Variants in ERMAP observed in about 807,000 individuals in gnomAD.
The protein encoded by ERMAP is erythroblast membrane associated protein (Scianna blood group).
Under a neutral mutation model 49.5 loss-of-function variants are expected in ERMAP, and 34 were observed. The ratio of observed to expected loss-of-function variants is 0.69; its 90% CI spans 0.52 to 0.91. ERMAP has a LOEUF of 0.91. ERMAP is among the 40% of genes least tolerant of loss of function. The pLI is 0.00. For synonymous variants in ERMAP, 214 were observed against 232.2 expected (o/e 0.92, Z 0.71); for missense variants, 541 against 582.6 (o/e 0.93, Z 0.74).
At chr1:42,826,630 G>A (rs1228890233) in intron 2 of ERMAP, among the ~76,000 whole-genome samples, 2 of 152,076 alleles carry the variant, frequency 1.3e-5, no homozygotes, top group African/African-American at 4.8e-5. Flanking sequence ...GGCCGAGGAG[G>A]GCAGATCATG....
rs778057224 is a variant in ERMAP at position 42,819,530 on chromosome 1, A to AT, written c.-122+2278dup. 2.0e-5 allele frequency among the ~76,000 whole-genome samples: 3 copies of AT among 152,192 alleles called. No homozygotes were observed. The highest frequency in any genetic ancestry group is 4.4e-5 in the Non-Finnish European group (3 of 68,036). ...TTTGTTGAATGACTAGCAAGAGTTTATAGTAATATAACTAGAATATTTTTA... is the reference window on the plus strand; with the variant it reads ...TTTGTTGAATGACTAGCAAGAGTTTATTAGTAATATAACTAGAATATTTTTA... On this transcript the variant is annotated intron_variant, in intron 1 of 11. Transcript: ENST00000372517. The surrounding 1 kb of genome is among the most constrained non-coding windows in gnomAD (Gnocchi z 5.1).
At position 42,825,492 on chromosome 1, in the gene ERMAP, T is replaced by C; in HGVS notation, c.-121-131T>C. 11 of 1,177,598 alleles carry C rather than the reference T, an allele frequency of 9.3e-6. No homozygotes were observed. In the South Asian group the frequency reaches 1.8e-4, roughly 19 times the overall value. 72.9% of individuals were successfully genotyped at this position (1,177,598 alleles called of 1,614,324 possible). A position where few individuals can be genotyped will look rare whatever the true frequency, so the allele number is the denominator to read the frequency against. ...GCCTCCTCTTTGCTCTGTTCTTTTA[T>C]CAGGGGCATACAGACAGGGTGTGGC... On this transcript the variant is annotated intron_variant, in intron 1 of 11. Transcript: ENST00000372517.
intron 1 of ERMAP, among the ~76,000 whole-genome samples, chr1:42,821,265 G>A (rs1280266686): frequency 6.6e-6 from 1 of 152,202 alleles, no homozygotes; most frequent in African/African-American, 2.4e-5. Context: ...AGGTAACAGA[G>A]ATAAGCATTT....
chr1:42,818,697 C>T (rs1392981348), intron 1 of ERMAP, among the ~76,000 whole-genome samples: 1 of 152,122 alleles, frequency 6.6e-6, no homozygotes, highest in Non-Finnish European at 1.5e-5. Context: ...TCTGGAAATC[C>T]TGGGCTCAAG....
intron 8 of ERMAP, 130 bp from the exon 9 acceptor site, chr1:42,839,903 T>G: frequency 1.1e-6 from 1 of 918,968 alleles, no homozygotes; most frequent in Non-Finnish European, 1.7e-6. Flanking sequence ...TGCAAACTCT[T>G]CTGGGGAAGT....
chr1:42,831,213 C>CTGCAG (rs1463938905), intron 4 of ERMAP, 98 bp downstream of exon 4: 1 of 1,408,994 alleles, frequency 7.1e-7, no homozygotes, highest in Non-Finnish European at 9.6e-7. Flanking sequence ...TTTCTTTCAT[C>CTGCAG]TGCAGTGTAG....
Position 42,832,179 on chromosome 1 carries a change from A to ATTTTTTTTTTT in ERMAP, c.433+1083_433+1093dup, listed in dbSNP as rs75673269. On this transcript the variant is annotated intron_variant, in intron 4 of 11. Transcript: ENST00000372517. ...TTGGAGTCCTTTGGGGTGAAAATTA[A>ATTTTTTTTTTT]TTTTTTTTTTTTTTTTTTTTTTTTT... Among the ~76,000 whole-genome samples, 4 of 96,710 alleles carry ATTTTTTTTTTT rather than the reference A, an allele frequency of 4.1e-5. 1 individual carries two copies. Among genetic ancestry groups the ATTTTTTTTTTT allele is most frequent in the African/African-American group, 1.9e-4 (4 of 20,940 alleles). 63.4% of individuals were successfully genotyped at this position (96,710 alleles called of 152,430 possible). A position where few individuals can be genotyped will look rare whatever the true frequency, so the allele number is the denominator to read the frequency against.
chr1:42,840,739 GT>G (rs946329469), intron 11 of ERMAP, among the ~76,000 whole-genome samples: 1 of 152,102 alleles, frequency 6.6e-6, no homozygotes, highest in African/African-American at 2.4e-5. Context: ...ATGCATAAGT[GT>G]TTTATTTTTA....
chr1:42,820,834 A>G (rs1249322295), intron 1 of ERMAP, among the ~76,000 whole-genome samples: 1 of 152,040 alleles, frequency 6.6e-6, no homozygotes, highest in Non-Finnish European at 1.5e-5. Context: ...TCTGGCTTTC[A>G]AGTTGGAGCT....
chr1:42,840,082 G>A (rs12034000), intron 9 of ERMAP, 29 bp downstream of exon 9: 360,509 of 1,613,706 alleles, frequency 0.22, 42,001 homozygotes, highest in South Asian at 0.35. Context: ...TGTAACTTCC[G>A]TACCAACTTA....
chr1:42,823,494 C>T (rs1654453763), intron 1 of ERMAP, among the ~76,000 whole-genome samples: 1 of 152,224 alleles, frequency 6.6e-6, no homozygotes, highest in African/African-American at 2.4e-5. Flanking sequence ...TGAATGTTCT[C>T]ATTGACAACA....
chr1:42,831,824 C>T (rs563816511), intron 4 of ERMAP, among the ~76,000 whole-genome samples: 1 of 151,932 alleles, frequency 6.6e-6, no homozygotes, highest in African/African-American at 2.4e-5. Flanking sequence ...CAATCCTCCC[C>T]GCTTGGCCTC....
chr1:42,843,984 C>T lies in ERMAP; in HGVS notation c.*752C>T. On this transcript the variant is annotated 3_prime_UTR_variant, in exon 12 of 12. Transcript: ENST00000372517. The stretch of plus-strand genomic sequence containing the variant: ...TTGCAGAGAACTCAGCTGTATGTTG[C>T]CCTCTGACCTTGGCCCAGACCTTCA... 2.5e-6 allele frequency: 1 copy of T among 398,206 alleles called. No individual in the cohort carries two copies. Among genetic ancestry groups the T allele is most frequent in the Non-Finnish European group, 4.4e-6 (1 of 225,920 alleles). 24.7% of individuals were successfully genotyped at this position (398,206 alleles called of 1,614,324 possible). A position where few individuals can be genotyped will look rare whatever the true frequency, so the allele number is the denominator to read the frequency against.
At position 42,831,090 on chromosome 1, in the gene ERMAP, G is replaced by A. The variant is rs1414688678; in HGVS notation, c.408G>A (p.Glu136=). Residue 136 remains glutamate (E), a synonymous_variant, in exon 4 of 12, where the codon GAG becomes GAA. Coordinates refer to ENST00000372517, the MANE Select transcript of ERMAP (RefSeq NM_001017922.2). ...CLIQVGNLSK[E]DTVILQVAAP... ...TCCAAGTTGGAAATCTGAGTAAAGA[G>A]GACACCGTGATCCTGCAGGTTGCAG... is the stretch of plus-strand genomic sequence containing the variant. The A allele has an allele frequency of 2.5e-6, 4 of 1,614,106 alleles. No individual in the cohort carries two copies. The highest frequency in any genetic ancestry group is 3.4e-6 in the Non-Finnish European group (4 of 1,180,042).
intron 1 of ERMAP, chr1:42,824,870 G>A (rs997072772): frequency 1.3e-5 from 2 of 152,210 alleles, no homozygotes; most frequent in African/African-American, 4.8e-5. Flanking sequence ...AAAGCCCCAA[G>A]ACAGGCAAGC....
At chr1:42,817,277 AC>A (rs1183510784) in intron 1 of ERMAP, 24 bp downstream of exon 1, 85 of 1,231,884 alleles carry the variant, frequency 6.9e-5, no homozygotes, top group Non-Finnish European at 8.6e-5. Context: ...TCCCCCGACC[AC>A]TGGACCCAGC....
chr1:42,844,153 T>C lies in ERMAP; in HGVS notation c.*921T>C, dbSNP rs944766545. On this transcript the variant is annotated 3_prime_UTR_variant, in exon 12 of 12. Coordinates refer to ENST00000372517, the MANE Select transcript of ERMAP (RefSeq NM_001017922.2). The surrounding 1 kb of genome is among the most constrained non-coding windows in gnomAD (Gnocchi z 4.0). ...AAGCTTTTTTTTCCCCACAAGACCATTGTACTGCAATACTTGAGTATTTGT... is the reference window on the plus strand; with the variant it reads ...AAGCTTTTTTTTCCCCACAAGACCACTGTACTGCAATACTTGAGTATTTGT... 2.5e-5 allele frequency: 10 copies of C among 398,522 alleles called. No individual in the cohort carries two copies. Among genetic ancestry groups the C allele is most frequent in the South Asian group, 1.3e-4 (1 of 7,862 alleles). The allele number at this position is 398,522 out of a possible 1,614,324, so 24.7% of individuals were successfully genotyped here. A position where few individuals can be genotyped will look rare whatever the true frequency, so the allele number is the denominator to read the frequency against.
At chr1:42,835,285 G>T in intron 5 of ERMAP, 131 bp downstream of exon 5, 1 of 661,880 alleles carries the variant, frequency 1.5e-6, no homozygotes, top group Non-Finnish European at 2.8e-6. Context: ...TTGGCTGGGA[G>T]AAAACTGGTA....
At chr1:42,832,359 T>C (rs2124323868) in intron 4 of ERMAP, among the ~76,000 whole-genome samples, 1 of 150,842 alleles carries the variant, frequency 6.6e-6, no homozygotes, top group East Asian at 2.0e-4. Context: ...GGCCAACTAA[T>C]TTTTTTTTCT....
Sources: gnomAD v4.1 joint callset for allele counts (sites outside exome capture counted in the v4.1 genomes callset) on GRCh38, gnomAD v4.1.1 for gene constraint, Gnocchi (gnomAD v3.1) non-coding constraint, MANE v1.5 for transcripts, NCBI Gene and HGNC (gene_info 2026-07-23, HGNC 2026-07-21) for gene names.